The following GABBR2 variants were observed in gnomAD, a reference collection of about 807,000 sequenced individuals.
The protein encoded by GABBR2 is G-protein coupled receptor 51.
Under a neutral mutation model 105.6 loss-of-function variants are expected in GABBR2, and 23 were observed. The ratio of observed to expected loss-of-function variants is 0.22; its 90% CI spans 0.16 to 0.31. GABBR2 has a LOEUF of 0.31. Ranked by LOEUF, GABBR2 falls within the 10% of genes least tolerant of loss-of-function variation. The pLI is 1.00. For missense variants in GABBR2, 734 were observed against 1,245.5 expected (o/e 0.59, Z 6.18); for synonymous variants, 478 against 499.7 (o/e 0.96, Z 0.58).
At chr9:98,540,153 C>T (rs1484675016) in intron 3 of GABBR2, among the ~76,000 whole-genome samples, 1 of 152,118 alleles carries the variant, frequency 6.6e-6, no homozygotes. Context: ...CCCTTTGTGC[C>T]TCCTCCTAGG....
chr9:98,418,535 A>AAAC (rs142145341), intron 7 of GABBR2, among the ~76,000 whole-genome samples: 19 of 150,698 alleles, frequency 1.3e-4, no homozygotes, highest in East Asian at 7.8e-4. Context: ...ACCCTGTCTC[A>AAAC]AACAACAACA....
At chr9:98,652,918 G>A (rs962949996) in intron 1 of GABBR2, among the ~76,000 whole-genome samples, 4 of 152,196 alleles carry the variant, frequency 2.6e-5, no homozygotes, top group Non-Finnish European at 5.9e-5. Flanking sequence ...CCAGTGCCAG[G>A]CCCCATCTCC....
chr9:98,680,588 C>A (rs909442542), intron 1 of GABBR2, among the ~76,000 whole-genome samples: 3 of 152,188 alleles, frequency 2.0e-5, no homozygotes, highest in African/African-American at 7.2e-5. Flanking sequence ...GGATTACAGG[C>A]ATGAGCCACC....
intron 2 of GABBR2, among the ~76,000 whole-genome samples, chr9:98,552,526 C>T (rs941254353): frequency 3.9e-5 from 6 of 152,144 alleles, no homozygotes; most frequent in African/African-American, 7.2e-5. Context: ...TGCGCCAGGT[C>T]GCCGCTGTGC....
intron 6 of GABBR2, among the ~76,000 whole-genome samples, chr9:98,465,546 G>C (rs1826530936): frequency 6.6e-6 from 1 of 152,242 alleles, no homozygotes; most frequent in Non-Finnish European, 1.5e-5. Context: ...AGCTGAAGAT[G>C]AAGGAGGCTG....
At position 98,299,274 on chromosome 9, in the gene GABBR2, T is replaced by C; in HGVS notation, c.2492A>G (p.Tyr831Cys). The change falls in exon 17 of 19, where the codon TAC becomes TGC. Residue 831 changes from tyrosine to cysteine, a missense_variant. Physicochemically the swap from Tyr to Cys is radical, Grantham distance 194. Coordinates refer to ENST00000259455, the MANE Select transcript of GABBR2 (RefSeq NM_005458.8). Reference sequence around the variant, plus strand: ...GTTGAGGATGTCATTGAGCTCTTGGTAGTGGTTCTGTTTAATGTAGGTGGT... The same window carrying C: ...GTTGAGGATGTCATTGAGCTCTTGGCAGTGGTTCTGTTTAATGTAGGTGGT... ...EKTTYIKQNH[Y>C]QELNDILNLG... 2 of 1,614,126 alleles carry C rather than the reference T, an allele frequency of 1.2e-6. No individual in the cohort carries two copies. The highest frequency in any genetic ancestry group is 1.1e-5 in the South Asian group (1 of 91,068).
intron 8 of GABBR2, among the ~76,000 whole-genome samples, chr9:98,403,756 A>ATATAT (rs1554701359): frequency 4.1e-5 from 6 of 145,304 alleles, no homozygotes; most frequent in South Asian, 4.4e-4. Context: ...GAAAAAAAAA[A>ATATAT]ATATATATAT....
intron 1 of GABBR2, among the ~76,000 whole-genome samples, chr9:98,668,558 G>A (rs1014789396): frequency 1.3e-5 from 2 of 151,156 alleles, no homozygotes; most frequent in African/African-American, 2.4e-5. Flanking sequence ...GAAATGTACA[G>A]TTCAGCAGCT....
chr9:98,550,635 G>C (rs1828472285), intron 2 of GABBR2, among the ~76,000 whole-genome samples: 1 of 152,134 alleles, frequency 6.6e-6, no homozygotes. Flanking sequence ...GGACTCCAAA[G>C]ACCTTGGATT....
At chr9:98,444,836 C>T (rs1056207968) in intron 7 of GABBR2, among the ~76,000 whole-genome samples, 1 of 151,758 alleles carries the variant, frequency 6.6e-6, no homozygotes, top group East Asian at 1.9e-4. Context: ...ATTCCTCCAA[C>T]GCATGCGTGC....
chr9:98,557,971 C>T (rs1024730933), intron 2 of GABBR2, among the ~76,000 whole-genome samples: 1 of 152,156 alleles, frequency 6.6e-6, no homozygotes, highest in African/African-American at 2.4e-5. Context: ...AAATAAACGT[C>T]TCCTACCCAA....
intron 1 of GABBR2, among the ~76,000 whole-genome samples, chr9:98,619,278 A>G (rs150819907): frequency 6.6e-6 from 1 of 151,994 alleles, no homozygotes; most frequent in Non-Finnish European, 1.5e-5. Context: ...CCCCTGCCCC[A>G]GAAAAAATTT....
chr9:98,607,563 T>C (rs1588249961), intron 1 of GABBR2: 2 of 658,218 alleles, frequency 3.0e-6, no homozygotes, highest in East Asian at 5.1e-5. Flanking sequence ...TACCTGTTGG[T>C]GTGGTAGGTA....
intron 2 of GABBR2, among the ~76,000 whole-genome samples, chr9:98,546,475 G>T (rs142001800): frequency 6.6e-6 from 1 of 152,170 alleles, no homozygotes; most frequent in Non-Finnish European, 1.5e-5. Flanking sequence ...CAAATAACAG[G>T]CACTTAATAG....
intron 13 of GABBR2, among the ~76,000 whole-genome samples, chr9:98,315,135 T>C (rs888100676): frequency 5.3e-5 from 8 of 152,164 alleles, no homozygotes; most frequent in Admixed American, 4.6e-4. Context: ...TTCACCGCTC[T>C]GACCTCTCGG....
rs191970707 is a variant in GABBR2, at chr9:98,549,322, C to A, written c.460-7279G>T. Reference sequence around the variant, plus strand: ...GGGTACCAAATGTTTTATTGAGTAGCCAAATACCCTTTTTTTTCATTTTTG... The same window carrying A: ...GGGTACCAAATGTTTTATTGAGTAGACAAATACCCTTTTTTTTCATTTTTG... On this transcript the variant is annotated intron_variant, in intron 2 of 18. Transcript: ENST00000259455. 3.4e-5 allele frequency among the ~76,000 whole-genome samples: 2 copies of A among 58,134 alleles called. 1 individual carries two copies. Among genetic ancestry groups the A allele is most frequent in the Non-Finnish European group, 9.1e-5 (2 of 22,072 alleles). 38.1% of individuals were successfully genotyped at this position (58,134 alleles called of 152,430 possible). A position where few individuals can be genotyped will look rare whatever the true frequency, so the allele number is the denominator to read the frequency against.
At chr9:98,347,110 G>C (rs1354886029) in intron 13 of GABBR2, among the ~76,000 whole-genome samples, 1 of 152,174 alleles carries the variant, frequency 6.6e-6, no homozygotes, top group African/African-American at 2.4e-5. Context: ...TGGGATTGCT[G>C]AATCATATGG....
chr9:98,608,187 T>G (rs1194474387), intron 1 of GABBR2: 16 of 1,042,022 alleles, frequency 1.5e-5, no homozygotes, highest in Non-Finnish European at 2.9e-6. Flanking sequence ...AGCTTGGACA[T>G]CAGTGTTTGT....
chr9:98,367,667 A>T (rs1481625102), intron 12 of GABBR2, among the ~76,000 whole-genome samples: 1 of 152,202 alleles, frequency 6.6e-6, no homozygotes, highest in Non-Finnish European at 1.5e-5. Context: ...TTATTCCAGT[A>T]TGAGAAACTC....
Sources: allele counts gnomAD v4.1 joint callset (sites outside exome capture counted in the v4.1 genomes callset), GRCh38; gene constraint gnomAD v4.1.1; transcripts MANE v1.5; gene names NCBI Gene and HGNC (gene_info 2026-07-23, HGNC 2026-07-21).